PCLAF: variants seen among roughly 807,000 people sequenced by gnomAD.
PCLAF encodes PCNA-associated factor.
In PCLAF, 12 loss-of-function variants were observed where a neutral mutation model predicts 15.1. The ratio of observed to expected loss-of-function variants is 0.79; its 90% CI spans 0.51 to 1.29. The LOEUF is 1.29. PCLAF is among the 50% of genes most tolerant of loss of function. The pLI is 0.00. For missense variants in PCLAF, 116 were observed against 130.9 expected, an observed-to-expected ratio of 0.89 and a Z score of 0.56; for synonymous variants, 33 against 47.1, an observed-to-expected ratio of 0.70 and a Z score of 1.22.
intron 2 of PCLAF, among the ~76,000 whole-genome samples, chr15:64,379,665 C>CGTTTTAAAG (rs1265330378): frequency 6.6e-6 from 1 of 151,984 alleles, no homozygotes; most frequent in Non-Finnish European, 1.5e-5. Flanking sequence ...CCATGAAGTC[C>CGTTTTAAAG]TAAACAGTGT....
intron 1 of PCLAF, chr15:64,387,374 TCC>T (rs755472691): frequency 3.2e-5 from 29 of 916,606 alleles, no homozygotes; most frequent in Non-Finnish European, 4.0e-5. Context: ...AGTGCGAGAC[TCC>T]GTCTCAAAAT....
At chr15:64,373,651 C>A in intron 3 of PCLAF, 1 of 1,530,208 alleles carries the variant, frequency 6.5e-7, no homozygotes, top group Non-Finnish European at 8.7e-7. Context: ...GTAGGAGCAG[C>A]GCCAGAAGTA....
intron 3 of PCLAF, among the ~76,000 whole-genome samples, chr15:64,374,246 C>A (rs570974115): frequency 3.3e-5 from 5 of 152,098 alleles, no homozygotes; most frequent in African/African-American, 4.8e-5. Flanking sequence ...TCATTAACTT[C>A]TTAAAAAGTT....
At chr15:64,367,497 C>G (rs533094811) in intron 3 of PCLAF, among the ~76,000 whole-genome samples, 1 of 110,958 alleles carries the variant, frequency 9.0e-6, no homozygotes, top group South Asian at 2.7e-4. Flanking sequence ...GAGCAAAACT[C>G]TGTCTCAAAA....
rs1390961961 is a variant in PCLAF at position 64,375,233 on chromosome 15, T to G, written c.290+1510A>C. Among the ~76,000 whole-genome samples, 4 of 152,234 alleles carry G rather than the reference T, an allele frequency of 2.6e-5. No individual in the cohort carries two copies. In the East Asian group the frequency reaches 7.7e-4, roughly 29 times the overall value. ...AACACCTTTCAGGTTCAAGCAATTC[T>G]CCTGCTTCAGCCTCCCGAGTAGCTG... is the stretch of plus-strand genomic sequence containing the variant. On this transcript the variant is annotated intron_variant, in intron 3 of 3. Coordinates refer to ENST00000300035, the MANE Select transcript of PCLAF (RefSeq NM_014736.6).
chr15:64,384,883 T>C (rs942030459), upstream of PCLAF, among the ~76,000 whole-genome samples: 3 of 152,066 alleles, frequency 2.0e-5, no homozygotes, highest in Non-Finnish European at 2.9e-5. Context: ...AATTAACATA[T>C]GACTTATGAG....
At chr15:64,386,012 C>A (rs1399783157), upstream of PCLAF, among the ~76,000 whole-genome samples, 1 of 152,042 alleles carries the variant, frequency 6.6e-6, no homozygotes, top group Non-Finnish European at 1.5e-5. Context: ...ATTTCCTGAG[C>A]CAATTCCCTA....
chr15:64,383,371 G>GTTT (rs763173670), upstream of PCLAF, among the ~76,000 whole-genome samples: 5 of 142,078 alleles, frequency 3.5e-5, no homozygotes, highest in African/African-American at 1.0e-4. Flanking sequence ...TTGTGTGTGT[G>GTTT]TTTTTTTTTT....
chr15:64,387,078 G>A (rs977863593), intron 1 of PCLAF, among the ~76,000 whole-genome samples: 3 of 151,818 alleles, frequency 2.0e-5, no homozygotes, highest in Non-Finnish European at 2.9e-5. Context: ...AGCTTGCTGA[G>A]TTGTCTTGGC....
chr15:64,372,620 A>G (rs531275711), intron 3 of PCLAF, among the ~76,000 whole-genome samples: 36 of 149,710 alleles, frequency 2.4e-4, no homozygotes, highest in African/African-American at 8.4e-4. Flanking sequence ...TCTCAAAAAA[A>G]GAAAAGAAAA....
intron 3 of PCLAF, among the ~76,000 whole-genome samples, chr15:64,375,262 T>C (rs890929069): frequency 6.6e-6 from 1 of 152,044 alleles, no homozygotes; most frequent in Non-Finnish European, 1.5e-5. Context: ...GTAGCTGAGA[T>C]TACAGGCACG....
At chr15:64,377,943 G>C (rs550762641) in intron 2 of PCLAF, among the ~76,000 whole-genome samples, 7 of 145,876 alleles carry the variant, frequency 4.8e-5, no homozygotes, top group African/African-American at 1.3e-4. Flanking sequence ...TTGTTTTTTT[G>C]GGGGGGAGAC....
exon 1 of PCLAF, chr15:64,387,686 A>C (rs1375698444): frequency 1.6e-5 from 22 of 1,406,956 alleles, no homozygotes; most frequent in Non-Finnish European, 2.0e-5. Context: ...GAAGTAGACA[A>C]CAAAGCAGGA....
upstream of PCLAF, chr15:64,381,502 T>G (rs956154853): frequency 2.9e-5 from 45 of 1,566,174 alleles, no homozygotes; most frequent in Non-Finnish European, 3.5e-5. Context: ...CCAAGGTCTC[T>G]CCCGAGCCAC....
upstream of PCLAF, chr15:64,382,616 A>G (rs1382143886): frequency 6.5e-6 from 1 of 153,762 alleles, no homozygotes; most frequent in Non-Finnish European, 1.5e-5. Context: ...TTCTATCTTT[A>G]TGCTTACCTT....
chr15:64,384,351 C>A (rs577801696), upstream of PCLAF, among the ~76,000 whole-genome samples: 1 of 151,532 alleles, frequency 6.6e-6, no homozygotes, highest in Admixed American at 6.6e-5. Context: ...CCAGGCTGGT[C>A]TTGAACTCCT....
intron 3 of PCLAF, chr15:64,373,666 A>T: frequency 6.5e-7 from 1 of 1,533,410 alleles, no homozygotes; most frequent in South Asian, 1.2e-5. Flanking sequence ...GAAGTAGCAG[A>T]CCCAGAATGA....
At chr15:64,387,435 G>A in intron 1 of PCLAF, 1 of 1,205,450 alleles carries the variant, frequency 8.3e-7, no homozygotes, top group Non-Finnish European at 1.1e-6. Flanking sequence ...CACCACCAGA[G>A]CAAAAACTTA....
chr15:64,382,695 T>C (rs1483916141), upstream of PCLAF: 1 of 161,542 alleles, frequency 6.2e-6, no homozygotes, highest in East Asian at 1.9e-4. Flanking sequence ...ACAGAATCGG[T>C]CAGGCATGGT....
Sources: allele counts gnomAD v4.1 joint callset (sites outside exome capture counted in the v4.1 genomes callset), GRCh38; gene constraint gnomAD v4.1.1; transcripts MANE v1.5; gene names NCBI Gene and HGNC (gene_info 2026-07-23, HGNC 2026-07-21).